MAST4: variants seen among roughly 807,000 people sequenced by gnomAD.
MAST4 encodes microtubule-associated serine/threonine-protein kinase 4.
A neutral mutation model predicts 162.7 loss-of-function variants in MAST4; 89 were observed. The observed-to-expected ratio is 0.55, with a 90% CI of 0.46 to 0.65. The LOEUF is 0.65. MAST4 is among the 30% of genes least tolerant of loss of function. The probability of loss-of-function intolerance (pLI) is 0.00; values close to 1 mark genes in which losing one functional copy is unlikely to be tolerated. For synonymous variants in MAST4, 1,479 were observed against 1,361.1 expected (o/e 1.09, Z -1.91); for missense variants, 3,153 against 3,374.0 (o/e 0.93, Z 1.62).
intron 4 of MAST4, among the ~76,000 whole-genome samples, chr5:66,907,561 T>C (rs1315409573): frequency 1.3e-5 from 2 of 151,390 alleles, no homozygotes; most frequent in African/African-American, 2.4e-5. Context: ...TGAGCTTCTA[T>C]ATAATGAAAT....
chr5:66,795,974 G>A (rs1176317242), intron 3 of MAST4, among the ~76,000 whole-genome samples: 4 of 152,142 alleles, frequency 2.6e-5, no homozygotes, highest in African/African-American at 2.4e-5. Flanking sequence ...TCTGAGCTAG[G>A]TTCTGTTTAT....
chr5:67,078,894 T>TTTTATAAA (rs1561621717), intron 5 of MAST4, among the ~76,000 whole-genome samples: 1 of 65,032 alleles, frequency 1.5e-5, no homozygotes, highest in African/African-American at 6.6e-5. Context: ...ATTTATATAT[T>TTTTATAAA]TATATATTTT....
intron 3 of MAST4, among the ~76,000 whole-genome samples, chr5:66,849,434 T>A (rs139038276): frequency 4.8e-4 from 73 of 152,120 alleles, no homozygotes; most frequent in African/African-American, 1.7e-3. Flanking sequence ...CCCTTTCCCC[T>A]CTCTCTTTAC....
intron 3 of MAST4, among the ~76,000 whole-genome samples, chr5:66,823,973 A>G (rs1757117331): frequency 6.6e-6 from 1 of 152,184 alleles, no homozygotes; most frequent in Non-Finnish European, 1.5e-5. Flanking sequence ...TCTCCTTTGT[A>G]ATCTTTTATG....
chr5:67,072,725 A>G (rs558732768), intron 5 of MAST4, among the ~76,000 whole-genome samples: 9 of 152,320 alleles, frequency 5.9e-5, no homozygotes, highest in African/African-American at 1.9e-4. Flanking sequence ...TATGACAAGT[A>G]AGAAATGATA....
chr5:66,875,651 G>A (rs1009699807), intron 3 of MAST4, among the ~76,000 whole-genome samples: 3 of 151,186 alleles, frequency 2.0e-5, no homozygotes, highest in Non-Finnish European at 4.4e-5. Flanking sequence ...ATAGTTATTT[G>A]GTAATCATTA....
intron 1 of MAST4, among the ~76,000 whole-genome samples, chr5:66,625,613 A>G (rs1444000840): frequency 6.6e-6 from 1 of 152,198 alleles, no homozygotes; most frequent in Non-Finnish European, 1.5e-5. Context: ...ATCATCAGGA[A>G]AAAGAGTCAA....
rs80167263 is a variant in MAST4, at chr5:66,650,610, A to G, written c.363+53592A>G. Among the ~76,000 whole-genome samples the G allele has an allele frequency of 1.6e-3, 246 of 152,338 alleles. 1 individual carries two copies. The highest frequency in any genetic ancestry group is 5.7e-3 in the African/African-American group (238 of 41,574). ...ATTATAAGCTACTGTAATTTTTATT[A>G]GTATGTTTAGCCAACTGCCATGTAA... is the stretch of plus-strand genomic sequence containing the variant. On this transcript the variant is annotated intron_variant, in intron 1 of 28. Coordinates refer to ENST00000403625, the MANE Select transcript of MAST4 (RefSeq NM_001164664.2).
At chr5:66,957,000 C>T (rs1011593083) in intron 4 of MAST4, among the ~76,000 whole-genome samples, 1 of 150,988 alleles carries the variant, frequency 6.6e-6, no homozygotes, top group Admixed American at 6.6e-5. Flanking sequence ...TTTTGGAGGG[C>T]AGGATGGTGA....
At chr5:66,818,639 A>G (rs1391257577) in intron 3 of MAST4, among the ~76,000 whole-genome samples, 1 of 152,016 alleles carries the variant, frequency 6.6e-6, no homozygotes, top group Non-Finnish European at 1.5e-5. Context: ...ATGTGTGGGT[A>G]CGTGCACATT....
At chr5:66,645,804 C>T (rs957984223) in intron 1 of MAST4, among the ~76,000 whole-genome samples, 2 of 152,154 alleles carry the variant, frequency 1.3e-5, no homozygotes, top group Non-Finnish European at 2.9e-5. Context: ...TTACTTTTCA[C>T]TTTTCAAATG....
In MAST4 at chr5:66,920,954, G is replaced by A. The variant is rs75052342; in HGVS notation, c.674+20972G>A. On this transcript the variant is annotated intron_variant, in intron 4 of 28. Transcript: ENST00000403625. ...GAGTGAGGATTGGAGTGCCCAGACA[G>A]TGCTGTGACTGTGGAGTTTATTATT... Among the ~76,000 whole-genome samples, 835 of 152,194 alleles carry A rather than the reference G, an allele frequency of 5.5e-3. 11 individuals carry two copies. Among genetic ancestry groups the A allele is most frequent in the African/African-American group, 0.019 (809 of 41,504 alleles).
intron 4 of MAST4, among the ~76,000 whole-genome samples, chr5:66,923,130 C>T (rs1167768970): frequency 6.6e-6 from 1 of 152,204 alleles, no homozygotes; most frequent in African/African-American, 2.4e-5. Flanking sequence ...GCACCAGAAT[C>T]CTGTGAGCTC....
intron 4 of MAST4, among the ~76,000 whole-genome samples, chr5:66,925,880 C>G (rs1764855180): frequency 6.6e-6 from 1 of 152,012 alleles, no homozygotes; most frequent in African/African-American, 2.4e-5. Flanking sequence ...TAAGAACATG[C>G]TATGTTCCTA....
At chr5:66,807,905 T>A (rs1448563925) in intron 3 of MAST4, among the ~76,000 whole-genome samples, 1 of 152,244 alleles carries the variant, frequency 6.6e-6, no homozygotes, top group Non-Finnish European at 1.5e-5. Flanking sequence ...TGGATATCTC[T>A]AGATGGCAGC....
At chr5:66,631,642 G>T (rs1239712714) in intron 1 of MAST4, among the ~76,000 whole-genome samples, 3 of 152,112 alleles carry the variant, frequency 2.0e-5, no homozygotes, top group Admixed American at 2.0e-4. Flanking sequence ...TGGACGTAAA[G>T]CTCTTGGTGA....
intron 4 of MAST4, among the ~76,000 whole-genome samples, chr5:67,048,757 AG>A (rs1047931271): frequency 4.6e-5 from 7 of 151,680 alleles, no homozygotes; most frequent in African/African-American, 1.7e-4. Context: ...GCTTCTACAG[AG>A]TTTTTAAATC....
intron 4 of MAST4, among the ~76,000 whole-genome samples, chr5:66,921,051 A>G (rs1471153394): frequency 6.6e-6 from 1 of 152,162 alleles, no homozygotes; most frequent in African/African-American, 2.4e-5. Context: ...ATTAGAGGGT[A>G]CAAAGTGATA....
At chr5:67,052,897 A>T (rs1758358388) in intron 4 of MAST4, among the ~76,000 whole-genome samples, 1 of 152,188 alleles carries the variant, frequency 6.6e-6, no homozygotes, top group Admixed American at 6.5e-5. Flanking sequence ...GGAATGAAAG[A>T]AGACATTAAT....
Sources: gnomAD v4.1 joint callset for allele counts (sites outside exome capture counted in the v4.1 genomes callset) on GRCh38, gnomAD v4.1.1 for gene constraint, MANE v1.5 for transcripts, NCBI Gene and HGNC (gene_info 2026-07-23, HGNC 2026-07-21) for gene names.